Variants in RUNX1 observed in about 807,000 individuals in gnomAD.
The protein encoded by RUNX1 is runt-related transcription factor 1.
Under a neutral mutation model 42.8 loss-of-function variants are expected in RUNX1, and 19 were observed. The observed-to-expected ratio is 0.44, with a 90% CI of 0.31 to 0.65. RUNX1 has a LOEUF of 0.65. Among genes scored for constraint, RUNX1 ranks in the 30% least tolerant of loss-of-function variants. The pLI is 0.07. For synonymous variants in RUNX1, 271 were observed against 289.4 expected, an observed-to-expected ratio of 0.94 and a Z score of 0.64; for missense variants, 528 against 672.0, an observed-to-expected ratio of 0.79 and a Z score of 2.37.
chr21:34,814,450 T>C (rs2834644), intron 7 of RUNX1, among the ~76,000 whole-genome samples: 68,971 of 152,024 alleles, frequency 0.45, 15,915 homozygotes, highest in African/African-American at 0.54. Context: ...TGATTTTAAA[T>C]GCTTTTATGG....
At chr21:34,869,521 T>C (rs1434645198) in intron 5 of RUNX1, among the ~76,000 whole-genome samples, 1 of 152,214 alleles carries the variant, frequency 6.6e-6, no homozygotes, top group African/African-American at 2.4e-5. Flanking sequence ...CGGTGTAATC[T>C]AGAGTTCAGG....
intron 2 of RUNX1, among the ~76,000 whole-genome samples, chr21:34,927,710 T>C (rs1194295670): frequency 6.6e-6 from 1 of 152,194 alleles, no homozygotes; most frequent in Non-Finnish European, 1.5e-5. Flanking sequence ...ATGGTACTGT[T>C]AGTATAGACA....
At chr21:34,821,421 A>G in intron 7 of RUNX1, 1 of 1,333,682 alleles carries the variant, frequency 7.5e-7, no homozygotes, top group South Asian at 2.2e-5. Flanking sequence ...CTGTGCATCA[A>G]GTGATTTCTG....
intron 2 of RUNX1, among the ~76,000 whole-genome samples, chr21:34,954,838 CGTT>C (rs1408482381): frequency 6.6e-6 from 1 of 152,078 alleles, no homozygotes; most frequent in African/African-American, 2.4e-5. Context: ...AGGAAATAAG[CGTT>C]GGTGGTATGA....
In RUNX1 at chr21:34,829,249, C is replaced by T. The variant is rs375906335; in HGVS notation, c.805+5161G>A. 1.1e-3 allele frequency among the ~76,000 whole-genome samples: 173 copies of T among 152,288 alleles called. 1 individual carries two copies. Among genetic ancestry groups the T allele is most frequent in the African/African-American group, 4.0e-3 (168 of 41,558 alleles). On this transcript the variant is annotated intron_variant, in intron 7 of 8. Coordinates refer to ENST00000675419, the MANE Select transcript of RUNX1 (RefSeq NM_001754.5). Reference sequence around the variant, plus strand: ...TAGCCATCAATATCAAATACATGCTCCAACTACAACTTTGCTGAAACTATT... The same window carrying T: ...TAGCCATCAATATCAAATACATGCTTCAACTACAACTTTGCTGAAACTATT...
At chr21:34,990,446 A>T (rs1367358391) in intron 2 of RUNX1, among the ~76,000 whole-genome samples, 5 of 152,094 alleles carry the variant, frequency 3.3e-5, no homozygotes, top group Non-Finnish European at 5.9e-5. Context: ...ACAGTGATGG[A>T]TCTTTGCCAT....
At chr21:34,830,210 A>G (rs975560134) in intron 7 of RUNX1, among the ~76,000 whole-genome samples, 3 of 152,208 alleles carry the variant, frequency 2.0e-5, no homozygotes, top group Admixed American at 1.3e-4. Flanking sequence ...TTTGGATGAT[A>G]AGCACTTGGT....
chr21:34,812,778 G>T (rs947372868), intron 7 of RUNX1, among the ~76,000 whole-genome samples: 7 of 152,130 alleles, frequency 4.6e-5, no homozygotes, highest in African/African-American at 1.7e-4. Flanking sequence ...CCAGAGAACT[G>T]CTTTGATTTA....
At chr21:34,801,398 G>A (rs543764084) in intron 7 of RUNX1, among the ~76,000 whole-genome samples, 19 of 152,286 alleles carry the variant, frequency 1.2e-4, no homozygotes, top group African/African-American at 4.1e-4. Flanking sequence ...TGAAAAAGTC[G>A]TGCTAGGCTT....
At chr21:34,947,569 A>AT (rs894722521) in intron 2 of RUNX1, among the ~76,000 whole-genome samples, 2 of 151,944 alleles carry the variant, frequency 1.3e-5, no homozygotes, top group African/African-American at 4.8e-5. Context: ...GTTTTTGTCC[A>AT]TTTTTTCCCC....
At chr21:34,994,940 G>A (rs749193759) in intron 2 of RUNX1, among the ~76,000 whole-genome samples, 11 of 152,240 alleles carry the variant, frequency 7.2e-5, no homozygotes, top group Non-Finnish European at 1.5e-4. Context: ...GGCTGGAACC[G>A]CAACGCCATT....
chr21:34,797,682 G>A (rs964656099), intron 8 of RUNX1, among the ~76,000 whole-genome samples: 1 of 152,220 alleles, frequency 6.6e-6, no homozygotes, highest in Non-Finnish European at 1.5e-5. Flanking sequence ...CAAGATACCT[G>A]TGCTACTCTC....
At chr21:34,891,364 GGCGCAGGCTGTTAACTGCGCA>G (rs1466826216) in intron 3 of RUNX1, among the ~76,000 whole-genome samples, 1 of 152,176 alleles carries the variant, frequency 6.6e-6, no homozygotes, top group Non-Finnish European at 1.5e-5. Flanking sequence ...TCCCCGGAGC[GGCGCAGGCTGTTAACTGCGCA>G]GCGCGGTGCC....
chr21:34,887,697 TATATAA>T, intron 3 of RUNX1: 1 of 1,063,724 alleles, frequency 9.4e-7, no homozygotes, highest in Non-Finnish European at 1.1e-6. Context: ...TGTGCACGTA[TATATAA>T]ATATATACAT....
Position 34,792,121 on chromosome 21 carries a change from C to G in RUNX1, c.*14G>C, listed in dbSNP as rs1240203491. The G allele has an allele frequency of 7.1e-7, 1 of 1,403,286 alleles. No homozygotes were observed. The allele number at this position is 1,403,286 out of a possible 1,614,324, so 86.9% of individuals were successfully genotyped here. ...CGGCGGCCCGCGGGGCCCAGCCGGG[C>G]CAGGCCTGGCGCCTCAGTAGGGCCT... On this transcript the variant is annotated 3_prime_UTR_variant, in exon 9 of 9. Transcript: ENST00000675419. This position sits in a 1 kb window ranked among gnomAD's most constrained non-coding sequence, Gnocchi z 6.9.
At chr21:34,980,736 C>A (rs952508979) in intron 2 of RUNX1, among the ~76,000 whole-genome samples, 4 of 152,072 alleles carry the variant, frequency 2.6e-5, no homozygotes, top group Non-Finnish European at 5.9e-5. Flanking sequence ...TGATTGTGTG[C>A]CAGTGAACAG....
chr21:34,993,923 T>C (rs7281724), intron 2 of RUNX1, among the ~76,000 whole-genome samples: 16,119 of 152,204 alleles, frequency 0.11, 2,836 homozygotes, highest in African/African-American at 0.37. Flanking sequence ...TTCCACATCA[T>C]TCACTGAGAT....
chr21:34,797,312 G>T (rs1432611149), intron 8 of RUNX1, among the ~76,000 whole-genome samples: 1 of 152,214 alleles, frequency 6.6e-6, no homozygotes, highest in Non-Finnish European at 1.5e-5. Flanking sequence ...TTGGGTGATT[G>T]AAGTCCAGGA....
intron 7 of RUNX1, among the ~76,000 whole-genome samples, chr21:34,806,447 A>G (rs1408632921): frequency 6.6e-6 from 1 of 152,256 alleles, no homozygotes; most frequent in Non-Finnish European, 1.5e-5. Flanking sequence ...CATCTTTAAT[A>G]TATGTCCACC....
Sources: allele counts gnomAD v4.1 joint callset (sites outside exome capture counted in the v4.1 genomes callset), GRCh38; gene constraint gnomAD v4.1.1; non-coding constraint Gnocchi (gnomAD v3.1); transcripts MANE v1.5; gene names NCBI Gene and HGNC (gene_info 2026-07-23, HGNC 2026-07-21).